The following FREM2 variants were observed in gnomAD, a reference collection of about 807,000 sequenced individuals.
FREM2 encodes the protein FRAS1 related extracellular matrix 2, also known as FRAS1-related extracellular matrix protein 2.
Under a neutral mutation model 219.9 loss-of-function variants are expected in FREM2, and 119 were observed. The ratio of observed to expected loss-of-function variants is 0.54; its 90% confidence interval spans 0.47 to 0.63. The LOEUF (loss-of-function observed/expected upper bound fraction) is 0.63, where lower values mean the gene tolerates loss of function less well. Among genes scored for constraint, FREM2 ranks in the 30% least tolerant of loss-of-function variants. The probability of loss-of-function intolerance (pLI) is 0.00; values close to 1 mark genes in which losing one functional copy is unlikely to be tolerated. For synonymous variants in FREM2, 1,562 were observed against 1,522.8 expected (o/e 1.03, Z -0.60); for missense variants, 4,030 against 3,993.6 (o/e 1.01, Z -0.25).
chr13:38,879,812 C>T (rs917754354), intron 23 of FREM2, among the ~76,000 whole-genome samples: 1 of 152,118 alleles, frequency 6.6e-6, no homozygotes, highest in Admixed American at 6.5e-5. Flanking sequence ...TTTTCCAAAG[C>T]CCCAGAAAAG....
rs372777373 is a variant in FREM2 at position 38,688,536 on chromosome 13, C to A, written c.1192C>A (p.Pro398Thr). ...LRLLKIAYQP[P>T]SEDSDQERLF... Reference sequence around the variant, plus strand: ...GCTCCTGAAGATTGCCTACCAGCCCCCTTCTGAAGACTCTGACCAGGAGCG... The same window carrying A: ...GCTCCTGAAGATTGCCTACCAGCCCACTTCTGAAGACTCTGACCAGGAGCG... The change falls in exon 1 of 24, where the codon CCT becomes ACT. Residue 398 changes from proline to threonine, a missense_variant. Coordinates refer to ENST00000280481, the MANE Select transcript of FREM2 (RefSeq NM_207361.6). The A allele has an allele frequency of 2.7e-5, 43 of 1,613,840 alleles. No homozygotes were observed. The highest frequency in any genetic ancestry group is 3.4e-5 in the Non-Finnish European group (40 of 1,179,938).
chr13:38,775,234 G>A (rs1254450728), intron 4 of FREM2, among the ~76,000 whole-genome samples: 1 of 152,150 alleles, frequency 6.6e-6, no homozygotes, highest in East Asian at 1.9e-4. Context: ...CACGTTGTCA[G>A]TGTTGACATA....
chr13:38,758,809 T>C (rs560025116), intron 2 of FREM2, among the ~76,000 whole-genome samples: 10 of 152,344 alleles, frequency 6.6e-5, no homozygotes, highest in Non-Finnish European at 1.3e-4. Context: ...GGATGGTAGC[T>C]GCATGGTTGC....
At chr13:38,717,608 G>A (rs373516658) in intron 2 of FREM2, among the ~76,000 whole-genome samples, 1 of 151,008 alleles carries the variant, frequency 6.6e-6, no homozygotes, top group African/African-American at 2.5e-5. Flanking sequence ...GTACAGACAG[G>A]GTTTCACCAT....
rs148239648 is a variant in FREM2, at chr13:38,837,236, C to T, written c.6020-9337C>T. On this transcript the variant is annotated intron_variant, in intron 6 of 23. Transcript: ENST00000280481. ...ACAAGAGCAGGTTGTTCAGTTTCCACGTAGTGGTGTAGTTTTGAGTGGGTT... is the reference window on the plus strand; with the variant it reads ...ACAAGAGCAGGTTGTTCAGTTTCCATGTAGTGGTGTAGTTTTGAGTGGGTT... 4.4e-4 allele frequency among the ~76,000 whole-genome samples: 67 copies of T among 152,194 alleles called. 1 individual carries two copies. The East Asian group carries it at 0.012, about 27-fold the overall frequency.
chr13:38,744,063 A>G (rs1441663112), intron 2 of FREM2, among the ~76,000 whole-genome samples: 1 of 152,162 alleles, frequency 6.6e-6, no homozygotes, highest in African/African-American at 2.4e-5. Flanking sequence ...AGGTGGAAAA[A>G]AGATAAAATG....
At chr13:38,715,827 T>G (rs1870974865) in intron 2 of FREM2, among the ~76,000 whole-genome samples, 1 of 152,126 alleles carries the variant, frequency 6.6e-6, no homozygotes, top group Non-Finnish European at 1.5e-5. Context: ...CAGTAGTCCA[T>G]GTATGAATAA....
chr13:38,862,185 G>T (rs992042185), intron 15 of FREM2, among the ~76,000 whole-genome samples: 1 of 152,144 alleles, frequency 6.6e-6, no homozygotes, highest in African/African-American at 2.4e-5. Flanking sequence ...AAAATTACTT[G>T]ATATGTTAGT....
rs527713395 is a variant in FREM2, at chr13:38,823,489, A to G, written c.6020-23084A>G. On this transcript the variant is annotated intron_variant, in intron 6 of 23. Transcript: ENST00000280481. The stretch of plus-strand genomic sequence containing the variant: ...GCTCCCTGCTTTCCTTGTTCACCCC[A>G]TCTCCTCATTCCAAGCAGCATACAA... Among the ~76,000 whole-genome samples the G allele has an allele frequency of 7.2e-5, 11 of 151,796 alleles. No homozygotes were observed. The East Asian group carries it at 2.0e-3, about 27-fold the overall frequency.
chr13:38,757,194 C>A (rs1024915777), intron 2 of FREM2, among the ~76,000 whole-genome samples: 7 of 152,066 alleles, frequency 4.6e-5, no homozygotes, highest in African/African-American at 1.7e-4. Flanking sequence ...CCATTATATA[C>A]CCACATTATA....
At chr13:38,855,142 T>A (rs1877509279) in intron 11 of FREM2, among the ~76,000 whole-genome samples, 1 of 152,206 alleles carries the variant, frequency 6.6e-6, no homozygotes, top group South Asian at 2.1e-4. Flanking sequence ...ATTCTGATTT[T>A]TTTTTTAGGA....
intron 9 of FREM2, 24 bp from the exon 10 acceptor site, chr13:38,850,920 G>A: frequency 6.2e-7 from 1 of 1,608,224 alleles, no homozygotes; most frequent in South Asian, 1.1e-5. Context: ...GGATGTGATT[G>A]ACCTGCTGAC....
rs761936168 is a variant in FREM2, at chr13:38,851,089, G to T, written c.6723G>T (p.Arg2241Ser). The change falls in exon 10 of 24, where the codon AGG becomes AGT. Residue 2241 changes from arginine to serine, a missense_variant. Physicochemically the swap from Arg to Ser is moderately radical, Grantham distance 110 (BLOSUM62 -1). Coordinates refer to ENST00000280481, the MANE Select transcript of FREM2 (RefSeq NM_207361.6). ...GTGAACAAAATGAAACTCTCATAAG[G>T]ATCCGAGATGATGCTGATAGTAAGA... ...AVGEQNETLIRIRDDADKTVI... is the reference protein window; with the variant it reads ...AVGEQNETLISIRDDADKTVI... 3.5e-5 allele frequency: 56 copies of T among 1,613,616 alleles called. No homozygotes were observed. The highest frequency in any genetic ancestry group is 3.4e-4 in the Middle Eastern group (2 of 5,952).
Position 38,850,216 on chromosome 13 carries a change from C to T in FREM2, c.6558C>T (p.Ser2186=). The part of the protein sequence containing the change: ...DFEERPNTDT[S]IITFLPGETE... ...AAGAACGCCCAAACACTGATACCTC[C>T]ATCATCACATTCCTCCCTGGTAAGC... Residue 2186 remains serine (S), a synonymous_variant, in exon 9 of 24, where the codon TCC becomes TCT. Coordinates refer to ENST00000280481, the MANE Select transcript of FREM2 (RefSeq NM_207361.6). 1 of 1,613,846 alleles carries T rather than the reference C, an allele frequency of 6.2e-7. No homozygotes were observed. Among genetic ancestry groups the T allele is most frequent in the East Asian group, 2.2e-5 (1 of 44,850 alleles).
intron 6 of FREM2, among the ~76,000 whole-genome samples, chr13:38,838,532 C>A (rs891350999): frequency 4.6e-5 from 7 of 152,180 alleles, no homozygotes; most frequent in Non-Finnish European, 1.0e-4. Context: ...GGAAGTTCTC[C>A]TGGATAATAT....
intron 21 of FREM2, 68 bp from the exon 22 acceptor site, chr13:38,878,066 T>C: frequency 2.3e-6 from 3 of 1,285,506 alleles, no homozygotes; most frequent in Non-Finnish European, 3.4e-6. Flanking sequence ...TGTCATAACC[T>C]GTTTACAGTG....
chr13:38,785,345 G>A (rs1033775906), intron 6 of FREM2, among the ~76,000 whole-genome samples: 2 of 152,210 alleles, frequency 1.3e-5, no homozygotes, highest in Non-Finnish European at 2.9e-5. Flanking sequence ...TTGCCATGAA[G>A]TAGAAATAGA....
In FREM2 at chr13:38,879,834, AT is replaced by A. The variant is rs142244366; in HGVS notation, c.9007-444del. Among the ~76,000 whole-genome samples the A allele has an allele frequency of 2.3e-3, 348 of 152,224 alleles. 1 individual carries two copies. The highest frequency in any genetic ancestry group is 0.023 in the East Asian group (117 of 5,174). On this transcript the variant is annotated intron_variant, in intron 23 of 23. Coordinates refer to ENST00000280481, the MANE Select transcript of FREM2 (RefSeq NM_207361.6). ...AAGCCCCAGAAAAGCTTGAAAATTG[AT>A]TTTTTCCCCCTATGGTCTTATATGC... is the stretch of plus-strand genomic sequence containing the variant.
At position 38,690,117 on chromosome 13, in the gene FREM2, G is replaced by A; in HGVS notation, c.2773G>A (p.Val925Met). The A allele has an allele frequency of 6.2e-7, 1 of 1,614,112 alleles. No individual in the cohort carries two copies. The highest frequency in any genetic ancestry group is 1.1e-5 in the South Asian group (1 of 91,076). The change falls in exon 1 of 24, where the codon GTG (valine) becomes ATG (methionine). Residue 925 changes from valine to methionine, a missense_variant. Physicochemically the swap from Val to Met is conservative, Grantham distance 21. Around this residue, in one of 2 missense-constraint regions of FREM2, gnomAD observed 3,102 missense variants for 2,950.7 expected, o/e 1.05. Coordinates refer to ENST00000280481, the MANE Select transcript of FREM2 (RefSeq NM_207361.6). ...SLEVSDRHHV[V>M]PITLRVNVRP... ...GGAAGTCAGTGACAGACATCATGTGGTGCCCATCACTCTCAGAGTAAATGT... is the reference window on the plus strand; with the variant it reads ...GGAAGTCAGTGACAGACATCATGTGATGCCCATCACTCTCAGAGTAAATGT...
Sources: gnomAD v4.1 joint callset for allele counts (sites outside exome capture counted in the v4.1 genomes callset) on GRCh38, gnomAD v4.1.1 for gene constraint, gnomAD v4.1.1 regional missense constraint, MANE v1.5 for transcripts, NCBI Gene and HGNC (gene_info 2026-07-23, HGNC 2026-07-21) for gene names.